Variants in MIS18BP1 observed in about 807,000 individuals in gnomAD.
MIS18BP1 encodes mis18-binding protein 1.
A neutral mutation model predicts 116.1 loss-of-function variants in MIS18BP1; 72 were observed. That is an observed-to-expected ratio of 0.62 (90% CI 0.51 to 0.75). MIS18BP1 has a LOEUF of 0.75. Among genes scored for constraint, MIS18BP1 ranks in the 30% least tolerant of loss-of-function variants. MIS18BP1 has a pLI of 0.00. For synonymous variants in MIS18BP1, 386 were observed against 427.0 expected (o/e 0.90, Z 1.18); for missense variants, 1,363 against 1,303.2 (o/e 1.05, Z -0.71).
chr14:45,227,870 T>G, intron 8 of MIS18BP1, 56 bp from the exon 9 acceptor site: 1 of 1,554,794 alleles, frequency 6.4e-7, no homozygotes. Context: ...AGAAGCTGCT[T>G]TTCTACATGA....
chr14:45,251,673 A>C (rs1339637762), intron 1 of MIS18BP1, among the ~76,000 whole-genome samples: 1 of 152,264 alleles, frequency 6.6e-6, no homozygotes, highest in East Asian at 1.9e-4. Context: ...TAATTTAAAT[A>C]ACATTCAAAG....
Position 45,224,303 on chromosome 14 carries a change from A to G in MIS18BP1, c.2284T>C (p.Phe762Leu). The G allele has an allele frequency of 6.2e-6, 10 of 1,613,934 alleles. No homozygotes were observed. The highest frequency in any genetic ancestry group is 8.5e-6 in the Non-Finnish European group (10 of 1,179,944). Residue 762 changes from phenylalanine to leucine, a missense_variant, in exon 11 of 17, where the codon TTT becomes CTT. Coordinates refer to ENST00000310806, the MANE Select transcript of MIS18BP1 (RefSeq NM_018353.5). ...TCTGGTGAGGACTGATGCTTATAAA[A>G]TGACATAGCTACCTGATTTTCTATT... is the stretch of plus-strand genomic sequence containing the variant. ...KKIENQVAMS[F>L]YKHQSSPDLS...
chr14:45,249,248 C>T (rs1416571691), intron 1 of MIS18BP1, among the ~76,000 whole-genome samples: 1 of 152,084 alleles, frequency 6.6e-6, no homozygotes, highest in Admixed American at 6.5e-5. Context: ...CATGCCACCC[C>T]ACCCGGCTAA....
chr14:45,244,017 T>C (rs556660555), intron 2 of MIS18BP1, among the ~76,000 whole-genome samples: 13 of 152,280 alleles, frequency 8.5e-5, no homozygotes, highest in African/African-American at 2.2e-4. Context: ...ATATGAGAAA[T>C]AGATGACTTT....
At chr14:45,228,051 T>C (rs561841487) in intron 8 of MIS18BP1, among the ~76,000 whole-genome samples, 22 of 152,164 alleles carry the variant, frequency 1.4e-4, no homozygotes, top group African/African-American at 5.3e-4. Flanking sequence ...TGGTCCCAGA[T>C]ACTTGGGAGC....
chr14:45,205,072 C>T (rs1246328153), intron 15 of MIS18BP1, among the ~76,000 whole-genome samples: 1 of 152,068 alleles, frequency 6.6e-6, no homozygotes, highest in Non-Finnish European at 1.5e-5. Flanking sequence ...GGCTGGCAAT[C>T]CTTAAAAATC....
At chr14:45,206,239 G>A in intron 14 of MIS18BP1, 69 bp from the exon 15 acceptor site, 1 of 1,039,892 alleles carries the variant, frequency 9.6e-7, no homozygotes, top group Non-Finnish European at 1.4e-6. Flanking sequence ...TAAGTTAACT[G>A]TCATACTTTT....
At chr14:45,251,685 G>C (rs971097746) in intron 1 of MIS18BP1, among the ~76,000 whole-genome samples, 1 of 151,918 alleles carries the variant, frequency 6.6e-6, no homozygotes, top group South Asian at 2.1e-4. Context: ...CATTCAAAGA[G>C]ACCTAATAAA....
At chr14:45,213,562 A>G (rs1400099350) in intron 13 of MIS18BP1, among the ~76,000 whole-genome samples, 2 of 152,248 alleles carry the variant, frequency 1.3e-5, no homozygotes, top group African/African-American at 2.4e-5. Context: ...TTTGTGGTCC[A>G]GTCTCTGTCC....
chr14:45,245,663 C>T lies in MIS18BP1; in HGVS notation c.544+1080G>A, dbSNP rs372494389. ...ATGGGCATGAGCCACCGTGCCCGGC[C>T]GGCCTTTCTACTCTTTATTCTACCT... On this transcript the variant is annotated intron_variant, in intron 2 of 16. Transcript: ENST00000310806. 2.1e-4 allele frequency among the ~76,000 whole-genome samples: 32 copies of T among 152,192 alleles called. No homozygotes were observed. The East Asian group carries it at 5.0e-3, about 24-fold the overall frequency.
In MIS18BP1 at chr14:45,242,815, G is replaced by C. The variant is rs371582696; in HGVS notation, c.604C>G (p.Gln202Glu). 3 of 1,613,348 alleles carry C rather than the reference G, an allele frequency of 1.9e-6. No individual in the cohort carries two copies. Among genetic ancestry groups the C allele is most frequent in the African/African-American group, 1.3e-5 (1 of 74,882 alleles). Residue 202 changes from glutamine to glutamate, a missense_variant, in exon 3 of 17, where the codon CAA becomes GAA. Coordinates refer to ENST00000310806, the MANE Select transcript of MIS18BP1 (RefSeq NM_018353.5). ...SNNDIFLPVK[Q>E]KIQCQQEKKA... ...TTTTCCTGCTGGCACTGAATCTTTT[G>C]TTTGACCGGGAGGAAAATATCATTA...
intron 13 of MIS18BP1, among the ~76,000 whole-genome samples, chr14:45,213,457 T>C (rs567015983): frequency 1.3e-5 from 2 of 152,324 alleles, no homozygotes; most frequent in South Asian, 4.1e-4. Flanking sequence ...TTCTCTTGTG[T>C]AAAACAGAGA....
At chr14:45,232,315 G>T (rs1440579183) in intron 7 of MIS18BP1, among the ~76,000 whole-genome samples, 1 of 151,224 alleles carries the variant, frequency 6.6e-6, no homozygotes, top group African/African-American at 2.4e-5. Context: ...TACTCGGGAG[G>T]CTGAGGCAGG....
intron 8 of MIS18BP1, 114 bp from the exon 9 acceptor site, chr14:45,227,928 G>T: frequency 9.3e-7 from 1 of 1,070,822 alleles, no homozygotes; most frequent in Non-Finnish European, 1.3e-6. Context: ...TGTAATCCCA[G>T]CACTCTGGGA....
Position 45,224,113 on chromosome 14 carries a change from T to G in MIS18BP1, c.2474A>C (p.Glu825Ala). The G allele has an allele frequency of 6.2e-7, 1 of 1,612,528 alleles. No homozygotes were observed. Among genetic ancestry groups the G allele is most frequent in the Non-Finnish European group, 8.5e-7 (1 of 1,179,720 alleles). ...VILEPETEES[E>A]NEFYIKQKKA... ...CTTTTGTTTGATATAAAATTCATTTTCACTTTCTTCAGTTTCAGGTTCCAA... is the reference window on the plus strand; with the variant it reads ...CTTTTGTTTGATATAAAATTCATTTGCACTTTCTTCAGTTTCAGGTTCCAA... Residue 825 changes from glutamate to alanine, a missense_variant, in exon 11 of 17, where the codon GAA (glutamate) becomes GCA (alanine). Glu to Ala is a moderately radical substitution (Grantham distance 107). Transcript: ENST00000310806.
intron 13 of MIS18BP1, among the ~76,000 whole-genome samples, chr14:45,211,478 C>T (rs1278233215): frequency 1.3e-5 from 2 of 152,200 alleles, no homozygotes; most frequent in Non-Finnish European, 2.9e-5. Flanking sequence ...CTCCTGCATT[C>T]CAAATCATTC....
intron 9 of MIS18BP1, 45 bp from the exon 10 acceptor site, chr14:45,226,881 C>A: frequency 7.9e-7 from 1 of 1,264,508 alleles, no homozygotes; most frequent in Non-Finnish European, 1.0e-6. Context: ...AAACTACTAC[C>A]AAAACATGAT....
intron 1 of MIS18BP1, among the ~76,000 whole-genome samples, chr14:45,251,323 C>CTATGA (rs1179065987): frequency 9.9e-5 from 15 of 152,096 alleles, no homozygotes; most frequent in Admixed American, 9.8e-4. Context: ...TAAGTACACT[C>CTATGA]TATGATATTG....
chr14:45,249,405 G>A (rs1003933089), intron 1 of MIS18BP1, among the ~76,000 whole-genome samples: 15 of 151,770 alleles, frequency 9.9e-5, no homozygotes, highest in Non-Finnish European at 2.1e-4. Flanking sequence ...TTTTTTTGTA[G>A]AGACAGAGTT....
Sources: gnomAD v4.1 joint callset for allele counts (sites outside exome capture counted in the v4.1 genomes callset) on GRCh38, gnomAD v4.1.1 for gene constraint, MANE v1.5 for transcripts, NCBI Gene and HGNC (gene_info 2026-07-23, HGNC 2026-07-21) for gene names.